The following SDK1 variants were observed in gnomAD, a reference collection of about 807,000 sequenced individuals.
SDK1 encodes the protein sidekick cell adhesion molecule 1, also known as protein sidekick-1.
A neutral mutation model predicts 245.5 loss-of-function variants in SDK1; 157 were observed. That is an observed-to-expected ratio of 0.64 (90% CI 0.56 to 0.73). The LOEUF is 0.73. Among genes scored for constraint, SDK1 ranks in the 30% least tolerant of loss-of-function variants. SDK1 has a pLI of 0.00. For synonymous variants in SDK1, 1,647 were observed against 1,278.5 expected, an observed-to-expected ratio of 1.29 and a Z score of -6.15; for missense variants, 3,583 against 3,002.3, an observed-to-expected ratio of 1.19 and a Z score of -4.52.
intron 1 of SDK1, among the ~76,000 whole-genome samples, chr7:3,387,427 C>T (rs1781637349): frequency 6.6e-6 from 1 of 152,170 alleles, no homozygotes; most frequent in Non-Finnish European, 1.5e-5. Context: ...AGCTCTGTCT[C>T]CTTTTTGGCA....
chr7:4,099,487 G>C (rs1782396275), intron 22 of SDK1, among the ~76,000 whole-genome samples: 1 of 123,416 alleles, frequency 8.1e-6, no homozygotes, highest in Non-Finnish European at 1.7e-5. Flanking sequence ...CTCCGGGGCT[G>C]GGGGCTGTTC....
intron 20 of SDK1, among the ~76,000 whole-genome samples, chr7:4,072,607 A>T (rs996894590): frequency 6.6e-6 from 1 of 152,230 alleles, no homozygotes; most frequent in Non-Finnish European, 1.5e-5. Context: ...TCTCATTGAG[A>T]AGAGCAAAAG....
At chr7:3,824,409 G>T (rs1779719771) in intron 5 of SDK1, among the ~76,000 whole-genome samples, 1 of 152,180 alleles carries the variant, frequency 6.6e-6, no homozygotes, top group Non-Finnish European at 1.5e-5. Context: ...ATAAAGCAGG[G>T]AACCTTTATG....
chr7:4,045,770 G>T (rs1788977377), intron 17 of SDK1, among the ~76,000 whole-genome samples: 1 of 152,164 alleles, frequency 6.6e-6, no homozygotes, highest in African/African-American at 2.4e-5. Flanking sequence ...TGATGTTTGA[G>T]TCCTTCTAAT....
chr7:4,157,592 A>AG (rs1479848774), intron 30 of SDK1, among the ~76,000 whole-genome samples: 1 of 151,828 alleles, frequency 6.6e-6, no homozygotes, highest in Admixed American at 6.6e-5. Flanking sequence ...AAGGCACCTC[A>AG]GGAAAACATG....
At chr7:3,622,472 C>T (rs760781265) in intron 2 of SDK1, among the ~76,000 whole-genome samples, 5 of 152,134 alleles carry the variant, frequency 3.3e-5, no homozygotes, top group African/African-American at 7.2e-5. Flanking sequence ...CAGAGTGAGA[C>T]TCCATCTCCA....
rs528634559 is a variant in SDK1, at chr7:3,879,123, A to G, written c.847+57540A>G. The stretch of plus-strand genomic sequence containing the variant: ...ACTTCTCTGGGGGACAATCTGTAAT[A>G]TTCTGTGTGCGGTAACTTGCATAGT... On this transcript the variant is annotated intron_variant, in intron 5 of 44. Coordinates refer to ENST00000404826, the MANE Select transcript of SDK1 (RefSeq NM_152744.4). Among the ~76,000 whole-genome samples the G allele has an allele frequency of 2.6e-5, 4 of 152,238 alleles. No individual in the cohort carries two copies. In the South Asian group the frequency reaches 8.3e-4, roughly 32 times the overall value.
At chr7:3,911,589 T>C (rs1196659601) in intron 5 of SDK1, among the ~76,000 whole-genome samples, 1 of 152,166 alleles carries the variant, frequency 6.6e-6, no homozygotes, top group Non-Finnish European at 1.5e-5. Flanking sequence ...CACCTCTTAA[T>C]GCTATGACCT....
At chr7:4,231,881 C>T (rs1785795088) in intron 40 of SDK1, among the ~76,000 whole-genome samples, 1 of 152,148 alleles carries the variant, frequency 6.6e-6, no homozygotes, top group Non-Finnish European at 1.5e-5. Flanking sequence ...GGAGCAGTCT[C>T]AGTGCCCATA....
chr7:3,850,290 A>G (rs189945339), intron 5 of SDK1, among the ~76,000 whole-genome samples: 1 of 152,242 alleles, frequency 6.6e-6, no homozygotes, highest in African/African-American at 2.4e-5. Context: ...TCATGAGAAC[A>G]TTTAAAGTAC....
intron 4 of SDK1, among the ~76,000 whole-genome samples, chr7:3,749,666 C>G (rs1233605104): frequency 6.6e-6 from 1 of 152,208 alleles, no homozygotes; most frequent in African/African-American, 2.4e-5. Flanking sequence ...GAAGTGACTG[C>G]TGCCCTTCAG....
chr7:3,772,800 C>A (rs1359548200), intron 4 of SDK1, among the ~76,000 whole-genome samples: 1 of 152,150 alleles, frequency 6.6e-6, no homozygotes, highest in Admixed American at 6.5e-5. Context: ...TCTGGGAAAT[C>A]TTAATTCCAC....
At chr7:3,770,920 C>T (rs1239197129) in intron 4 of SDK1, among the ~76,000 whole-genome samples, 1 of 152,160 alleles carries the variant, frequency 6.6e-6, no homozygotes, top group African/African-American at 2.4e-5. Flanking sequence ...TTGTTGCCAT[C>T]TTCCTCCAGT....
At chr7:3,863,581 A>G (rs963078902) in intron 5 of SDK1, among the ~76,000 whole-genome samples, 3 of 152,106 alleles carry the variant, frequency 2.0e-5, no homozygotes, top group African/African-American at 7.2e-5. Context: ...ATAACTCTTC[A>G]TCATCCTCCC....
chr7:3,491,315 T>A (rs1478567618), intron 1 of SDK1, among the ~76,000 whole-genome samples: 1 of 152,196 alleles, frequency 6.6e-6, no homozygotes, highest in Non-Finnish European at 1.5e-5. Flanking sequence ...ACTCAGACTT[T>A]CTTCTCCAAC....
rs1287160810 is a variant in SDK1, at chr7:4,128,518, T to C, written c.3939+1022T>C. Among the ~76,000 whole-genome samples the C allele has an allele frequency of 3.2e-4, 48 of 152,064 alleles. 2 individuals are homozygous for C. Among genetic ancestry groups the C allele is most frequent in the Admixed American group, 3.1e-3 (48 of 15,270 alleles). ...CAGTTCAGAGAAGGTGGGCATTGAG[T>C]GAGGTCTTAGCAGGAGGCCCTGGAG... is the stretch of plus-strand genomic sequence containing the variant. On this transcript the variant is annotated intron_variant, in intron 26 of 44. Transcript: ENST00000404826.
At chr7:3,404,784 G>A (rs962774593) in intron 1 of SDK1, among the ~76,000 whole-genome samples, 4 of 152,204 alleles carry the variant, frequency 2.6e-5, no homozygotes, top group Admixed American at 1.3e-4. Flanking sequence ...TAGTTTAACA[G>A]ATGTGTTTTG....
intron 5 of SDK1, among the ~76,000 whole-genome samples, chr7:3,864,232 G>T (rs1297848865): frequency 6.6e-6 from 1 of 152,210 alleles, no homozygotes; most frequent in Non-Finnish European, 1.5e-5. Context: ...GAAAAATTGT[G>T]TTTATGTCAA....
chr7:3,301,761 G>A lies in SDK1; in HGVS notation c.175G>A (p.Gly59Ser). The A allele has an allele frequency of 3.0e-6, 3 of 986,596 alleles. No homozygotes were observed. The highest frequency in any genetic ancestry group is 1.8e-5 in the African/African-American group (1 of 56,600). 61.1% of individuals were successfully genotyped at this position (986,596 alleles called of 1,614,324 possible). A position where few individuals can be genotyped will look rare whatever the true frequency, so the allele number is the denominator to read the frequency against. Residue 59 changes from glycine (G) to serine (S), a missense_variant, in exon 1 of 45, where the codon GGC (glycine) becomes AGC (serine). Physicochemically the swap from Gly to Ser is moderately conservative, Grantham distance 56. Transcript: ENST00000404826. ...SRPRAAPETS[G>S]GDTAGAGRCG... ...ACCCCGGGCGGCGCCCGAGACCTCC[G>A]GCGGGGACACGGCGGGCGCGGGGCG... is the stretch of plus-strand genomic sequence containing the variant.
Sources: allele counts gnomAD v4.1 joint callset (sites outside exome capture counted in the v4.1 genomes callset), GRCh38; gene constraint gnomAD v4.1.1; transcripts MANE v1.5; gene names NCBI Gene and HGNC (gene_info 2026-07-23, HGNC 2026-07-21).